The following PCNX1 variants were observed in gnomAD, a reference collection of about 807,000 sequenced individuals.
The protein encoded by PCNX1 is pecanex-like protein 1.
PCNX1 carries 78 observed loss-of-function variants against 242.2 expected under a neutral mutation model. The ratio of observed to expected loss-of-function variants is 0.32; its 90% CI spans 0.27 to 0.39. The LOEUF (loss-of-function observed/expected upper bound fraction) is 0.39, where lower values mean the gene tolerates loss of function less well. Ranked by LOEUF, PCNX1 falls within the 10% of genes least tolerant of loss-of-function variation. The pLI, the probability that PCNX1 is intolerant of heterozygous loss-of-function variation, is 1.00. For synonymous variants in PCNX1, 1,024 were observed against 1,032.9 expected (o/e 0.99, Z 0.17); for missense variants, 2,581 against 2,856.5 (o/e 0.90, Z 2.20).
intron 30 of PCNX1, among the ~76,000 whole-genome samples, chr14:71,099,450 G>A (rs918568866): frequency 3.3e-5 from 5 of 151,606 alleles, no homozygotes; most frequent in African/African-American, 9.7e-5. Context: ...GAGCCACCAC[G>A]CCCGGCCTAT....
intron 15 of PCNX1, 22 bp downstream of exon 15, chr14:71,026,904 T>G (rs1468765219): frequency 9.9e-7 from 1 of 1,013,426 alleles, no homozygotes; most frequent in Non-Finnish European, 1.6e-6. Context: ...TTTATAAAAA[T>G]TATAGATTAC....
At chr14:70,951,933 TAC>T (rs1429497775) in intron 2 of PCNX1, among the ~76,000 whole-genome samples, 1 of 152,242 alleles carries the variant, frequency 6.6e-6, no homozygotes, top group African/African-American at 2.4e-5. Context: ...GTACATTTCC[TAC>T]GCCTATTCTA....
intron 6 of PCNX1, among the ~76,000 whole-genome samples, chr14:70,981,581 G>C (rs2058841249): frequency 6.6e-6 from 1 of 152,034 alleles, no homozygotes; most frequent in African/African-American, 2.4e-5. Context: ...CATCAATAAT[G>C]GTTTGTGATT....
At chr14:70,919,452 T>C (rs2056282023) in intron 1 of PCNX1, among the ~76,000 whole-genome samples, 1 of 152,114 alleles carries the variant, frequency 6.6e-6, no homozygotes, top group African/African-American at 2.4e-5. Context: ...TAAATGATTT[T>C]CCTGTGTCTC....
rs1327708789 is a variant in PCNX1, at chr14:70,907,806, G to GGAC, written c.-43_-41dup. 4.1e-6 allele frequency: 5 copies of GGAC among 1,233,460 alleles called. No individual in the cohort carries two copies. The highest frequency in any genetic ancestry group is 7.3e-5 in the South Asian group (2 of 27,218). The allele number at this position is 1,233,460 out of a possible 1,614,324, so 76.4% of individuals were successfully genotyped here. ...CGAGGCCGAGCTGGGGCCGGGGCGGGGACGGCGGCGGCGGCGGCGGCGACG... is the reference window on the plus strand; with the variant it reads ...CGAGGCCGAGCTGGGGCCGGGGCGGGGACGACGGCGGCGGCGGCGGCGGCGACG... On this transcript the variant is annotated 5_prime_UTR_variant, in exon 1 of 36. Coordinates refer to ENST00000304743, the MANE Select transcript of PCNX1 (RefSeq NM_014982.3).
At chr14:70,985,146 C>T (rs2058961885) in intron 6 of PCNX1, among the ~76,000 whole-genome samples, 1 of 152,152 alleles carries the variant, frequency 6.6e-6, no homozygotes, top group Non-Finnish European at 1.5e-5. Context: ...GTGATTGCAT[C>T]AGTATAACAA....
At position 71,096,120 on chromosome 14, in the gene PCNX1, C is replaced by A. The variant is rs550801864; in HGVS notation, c.5590-5870C>A. ...GGATCACGAGGTCAGGAGATCGAGACCATCCTGGCCAACAAGGTGAAACCT... is the reference window on the plus strand; with the variant it reads ...GGATCACGAGGTCAGGAGATCGAGAACATCCTGGCCAACAAGGTGAAACCT... On this transcript the variant is annotated intron_variant, in intron 30 of 35. Transcript: ENST00000304743. Among the ~76,000 whole-genome samples, 46 of 152,212 alleles carry A rather than the reference C, an allele frequency of 3.0e-4. 1 individual carries two copies. In the East Asian group the frequency reaches 8.7e-3, roughly 29 times the overall value.
At chr14:71,013,594 A>G (rs1166541075) in intron 11 of PCNX1, among the ~76,000 whole-genome samples, 1 of 135,614 alleles carries the variant, frequency 7.4e-6, no homozygotes, top group Non-Finnish European at 1.7e-5. Flanking sequence ...TGGCAAACAC[A>G]AACTTGGTGA....
chr14:70,960,366 C>T (rs2058164559), intron 2 of PCNX1, among the ~76,000 whole-genome samples: 1 of 151,732 alleles, frequency 6.6e-6, no homozygotes, highest in African/African-American at 2.4e-5. Flanking sequence ...GGTTTTAGGT[C>T]TAACGTTTAA....
intron 1 of PCNX1, chr14:70,942,805 T>C (rs1191913352): frequency 2.0e-5 from 3 of 152,252 alleles, no homozygotes; most frequent in Non-Finnish European, 4.4e-5. Context: ...GTGATTAATA[T>C]GGTTTGATTT....
chr14:70,911,551 T>A (rs1459240680), intron 1 of PCNX1, among the ~76,000 whole-genome samples: 2 of 152,214 alleles, frequency 1.3e-5, no homozygotes, highest in African/African-American at 4.8e-5. Flanking sequence ...TTTGTACATG[T>A]CACAGATGAT....
intron 24 of PCNX1, among the ~76,000 whole-genome samples, chr14:71,053,772 C>G (rs944990792): frequency 6.6e-6 from 1 of 152,160 alleles, no homozygotes; most frequent in Non-Finnish European, 1.5e-5. Flanking sequence ...TGTATATTAG[C>G]ATAAATAACA....
At chr14:71,090,869 C>T (rs905439507) in intron 30 of PCNX1, among the ~76,000 whole-genome samples, 1 of 152,210 alleles carries the variant, frequency 6.6e-6, no homozygotes, top group Non-Finnish European at 1.5e-5. Flanking sequence ...CCTTGGGTGC[C>T]TGCCCCTAGT....
chr14:71,044,979 A>G (rs1268851958), intron 19 of PCNX1, among the ~76,000 whole-genome samples, 154 bp from the exon 20 acceptor site: 1 of 152,262 alleles, frequency 6.6e-6, no homozygotes, highest in Admixed American at 6.5e-5. Flanking sequence ...AAACTACATA[A>G]TTTAGAAATG....
chr14:71,010,115 T>C (rs984652430), intron 9 of PCNX1, among the ~76,000 whole-genome samples: 2 of 152,042 alleles, frequency 1.3e-5, no homozygotes, highest in African/African-American at 2.4e-5. Context: ...TCTAAAAACT[T>C]AAGGTAGAAT....
In PCNX1 at chr14:71,023,259, A is replaced by C. The variant is rs568522846; in HGVS notation, c.3183+27A>C. The C allele has an allele frequency of 3.5e-5, 52 of 1,505,438 alleles. No homozygotes were observed. In the East Asian group the frequency reaches 1.1e-3, roughly 31 times the overall value. The allele number at this position is 1,505,438 out of a possible 1,614,324, so 93.3% of individuals were successfully genotyped here. ...TAAGTCACTCTTAATATGGCTGTAC[A>C]TTATAGGTCCTTAACATTTATCATA... is the stretch of plus-strand genomic sequence containing the variant. On this transcript the variant is annotated intron_variant, in intron 13 of 35. Transcript: ENST00000304743.
In PCNX1 at chr14:70,969,256, G is replaced by C. The variant is rs544832475; in HGVS notation, c.604+146G>C. 3 of 608,400 alleles carry C rather than the reference G, an allele frequency of 4.9e-6. No individual in the cohort carries two copies. In the African/African-American group the frequency reaches 5.6e-5, roughly 11 times the overall value. The allele number at this position is 608,400 out of a possible 1,614,324, so 37.7% of individuals were successfully genotyped here. On this transcript the variant is annotated intron_variant, in intron 5 of 35. Coordinates refer to ENST00000304743, the MANE Select transcript of PCNX1 (RefSeq NM_014982.3). ...ATTAACATAAAATGTTATGGTGATAGTAGTAATACAGAGTTACACATGCTT... is the reference window on the plus strand; with the variant it reads ...ATTAACATAAAATGTTATGGTGATACTAGTAATACAGAGTTACACATGCTT...
chr14:70,953,914 C>A (rs897393856), intron 2 of PCNX1, among the ~76,000 whole-genome samples: 2 of 152,080 alleles, frequency 1.3e-5, no homozygotes, highest in South Asian at 4.2e-4. Flanking sequence ...GTGATCCACC[C>A]GCCTCAGCCT....
At chr14:71,072,331 A>G (rs1183739201) in intron 26 of PCNX1, among the ~76,000 whole-genome samples, 2 of 152,192 alleles carry the variant, frequency 1.3e-5, no homozygotes, top group Non-Finnish European at 2.9e-5. Context: ...ATGTATTCCT[A>G]TCAGTGTCAG....
Sources: gnomAD v4.1 joint callset for allele counts (sites outside exome capture counted in the v4.1 genomes callset) on GRCh38, gnomAD v4.1.1 for gene constraint, MANE v1.5 for transcripts, NCBI Gene and HGNC (gene_info 2026-07-23, HGNC 2026-07-21) for gene names.